ARHGAP10: variants seen among roughly 807,000 people sequenced by gnomAD.
ARHGAP10 encodes the protein Rho GTPase activating protein 10.
A neutral mutation model predicts 108.6 loss-of-function variants in ARHGAP10; 87 were observed. That is an observed-to-expected ratio of 0.80 (90% CI 0.67 to 0.96). ARHGAP10 has a LOEUF of 0.96. Ranked by LOEUF, ARHGAP10 falls within the 40% of genes least tolerant of loss-of-function variation. The probability of loss-of-function intolerance (pLI) is 0.00; values close to 1 mark genes in which losing one functional copy is unlikely to be tolerated. For missense variants in ARHGAP10, 939 were observed against 954.5 expected, an observed-to-expected ratio of 0.98 and a Z score of 0.21; for synonymous variants, 347 against 341.1, an observed-to-expected ratio of 1.02 and a Z score of -0.19.
At chr4:147,768,981 G>A (rs760201684) in intron 1 of ARHGAP10, among the ~76,000 whole-genome samples, 1 of 151,942 alleles carries the variant, frequency 6.6e-6, no homozygotes, top group East Asian at 1.9e-4. Context: ...CAAGTGATCT[G>A]CCTGCCTCGG....
intron 10 of ARHGAP10, among the ~76,000 whole-genome samples, chr4:147,885,002 T>C (rs908742043): frequency 6.6e-6 from 1 of 151,914 alleles, no homozygotes; most frequent in Non-Finnish European, 1.5e-5. Context: ...GGGCCAGGAT[T>C]GGTGTGGTGG....
intron 18 of ARHGAP10, among the ~76,000 whole-genome samples, chr4:147,988,203 T>C (rs1035190336): frequency 6.6e-6 from 1 of 152,362 alleles, no homozygotes; most frequent in Non-Finnish European, 1.5e-5. Flanking sequence ...AGGTAGAAAC[T>C]GGCTCTTTGA....
intron 9 of ARHGAP10, 48 bp downstream of exon 9, chr4:147,879,386 G>A: frequency 6.8e-7 from 1 of 1,469,476 alleles, no homozygotes; most frequent in Non-Finnish European, 9.4e-7. Context: ...GTCAGAGGTA[G>A]TGTTTGAGGG....
chr4:147,862,487 C>T (rs538021363), intron 5 of ARHGAP10: 1 of 152,520 alleles, frequency 6.6e-6, no homozygotes, highest in African/African-American at 2.4e-5. Flanking sequence ...GTTTCTGGCC[C>T]CCGCGGGCAC....
At chr4:148,023,543 A>C in intron 19 of ARHGAP10, 130 bp downstream of exon 19, 1 of 1,106,368 alleles carries the variant, frequency 9.0e-7, no homozygotes, top group Non-Finnish European at 1.2e-6. Context: ...TATAATTTTG[A>C]GATTTACAGG....
intron 1 of ARHGAP10, among the ~76,000 whole-genome samples, chr4:147,790,501 G>T (rs191598207): frequency 6.9e-4 from 105 of 152,288 alleles, no homozygotes; most frequent in Admixed American, 2.1e-3. Context: ...ATTCTAAGAT[G>T]TAACAAAACA....
intron 5 of ARHGAP10, chr4:147,863,964 G>T (rs909946892): frequency 6.6e-6 from 1 of 152,148 alleles, no homozygotes; most frequent in Non-Finnish European, 1.5e-5. Context: ...ATCTCCTTGT[G>T]AGTTTGATTT....
intron 18 of ARHGAP10, among the ~76,000 whole-genome samples, chr4:148,007,874 G>C (rs1472417295): frequency 6.6e-6 from 1 of 152,088 alleles, no homozygotes; most frequent in African/African-American, 2.4e-5. Flanking sequence ...GCATGACTTA[G>C]CTTTGAATGT....
At chr4:147,934,792 C>T (rs544954974) in intron 13 of ARHGAP10, among the ~76,000 whole-genome samples, 4 of 152,322 alleles carry the variant, frequency 2.6e-5, no homozygotes, top group Non-Finnish European at 4.4e-5. Context: ...TGTTATCACA[C>T]CACTGCATTC....
intron 1 of ARHGAP10, among the ~76,000 whole-genome samples, chr4:147,750,501 C>G (rs1411799316): frequency 6.6e-6 from 1 of 151,852 alleles, no homozygotes; most frequent in East Asian, 1.9e-4. Flanking sequence ...GTGATGATTT[C>G]TTTAAAGGGA....
chr4:147,803,604 C>A (rs557085417), intron 1 of ARHGAP10, among the ~76,000 whole-genome samples: 1 of 152,296 alleles, frequency 6.6e-6, no homozygotes, highest in African/African-American at 2.4e-5. Flanking sequence ...GCTTCCCTAC[C>A]TCTGGTAACC....
chr4:147,733,056 C>A (rs193118060), intron 1 of ARHGAP10, among the ~76,000 whole-genome samples: 1 of 152,266 alleles, frequency 6.6e-6, no homozygotes, highest in East Asian at 1.9e-4. Flanking sequence ...ACATTCCTCC[C>A]CTGCCGTGCT....
chr4:148,058,037 G>A (rs548555130), intron 20 of ARHGAP10, among the ~76,000 whole-genome samples: 1 of 152,344 alleles, frequency 6.6e-6, no homozygotes, highest in African/African-American at 2.4e-5. Flanking sequence ...GCCAAACAAT[G>A]TGCTTGCGTG....
At chr4:148,019,295 C>A (rs1741468645) in intron 18 of ARHGAP10, among the ~76,000 whole-genome samples, 1 of 152,208 alleles carries the variant, frequency 6.6e-6, no homozygotes, top group Non-Finnish European at 1.5e-5. Flanking sequence ...TTTGCTGTTA[C>A]AATTATATTA....
intron 20 of ARHGAP10, among the ~76,000 whole-genome samples, chr4:148,061,947 G>A (rs1046984229): frequency 6.6e-6 from 1 of 152,162 alleles, no homozygotes; most frequent in Non-Finnish European, 1.5e-5. Flanking sequence ...GAGGCCACAG[G>A]GGGAGTATTG....
chr4:148,029,858 C>T (rs1728055651), intron 19 of ARHGAP10, among the ~76,000 whole-genome samples: 1 of 152,148 alleles, frequency 6.6e-6, no homozygotes. Flanking sequence ...CTCACTTTTA[C>T]AATGATGAGA....
chr4:147,920,904 G>A (rs1263607869), intron 13 of ARHGAP10, among the ~76,000 whole-genome samples: 1 of 152,204 alleles, frequency 6.6e-6, no homozygotes, highest in Non-Finnish European at 1.5e-5. Flanking sequence ...GACAAACTTG[G>A]TTGTGAAGGA....
chr4:147,982,740 T>C (rs1307308303), intron 18 of ARHGAP10, among the ~76,000 whole-genome samples: 2 of 151,906 alleles, frequency 1.3e-5, no homozygotes, highest in African/African-American at 2.4e-5. Flanking sequence ...TCAAGCAAGA[T>C]TGGGGAAATT....
At chr4:147,777,766 T>C (rs1207542994) in intron 1 of ARHGAP10, among the ~76,000 whole-genome samples, 2 of 152,160 alleles carry the variant, frequency 1.3e-5, no homozygotes, top group African/African-American at 4.8e-5. Context: ...CCAGGAGGTG[T>C]TGGGGGAGTG....
Sources: allele counts gnomAD v4.1 joint callset (sites outside exome capture counted in the v4.1 genomes callset), GRCh38; gene constraint gnomAD v4.1.1; transcripts MANE v1.5; gene names NCBI Gene and HGNC (gene_info 2026-07-23, HGNC 2026-07-21).